The following CTSD variants were observed in gnomAD, a reference collection of about 807,000 sequenced individuals.
The protein encoded by CTSD is ceroid-lipofuscinosis, neuronal 10.
CTSD carries 28 observed loss-of-function variants against 43.6 expected under a neutral mutation model. The ratio of observed to expected loss-of-function variants is 0.64; its 90% confidence interval spans 0.48 to 0.88. CTSD has a LOEUF of 0.88. CTSD is among the 40% of genes least tolerant of loss of function. CTSD has a pLI of 0.00. For synonymous variants in CTSD, 270 were observed against 249.8 expected, an observed-to-expected ratio of 1.08 and a Z score of -0.76; for missense variants, 485 against 555.2, an observed-to-expected ratio of 0.87 and a Z score of 1.27.
rs1259135759 is a variant in CTSD, at chr11:1,759,509, G to C, written c.352+7C>G. On this transcript the variant is annotated splice_region_variant and intron_variant, in intron 3 of 8. Transcript: ENST00000236671. ...CCTGGGCGACGGGGCCAGGGTTCGT[G>C]ACTCACAGCAAGCGATGTCCAGCAG... The C allele has an allele frequency of 6.2e-7, 1 of 1,613,116 alleles. No homozygotes were observed. Among genetic ancestry groups the C allele is most frequent in the African/African-American group, 1.3e-5 (1 of 74,948 alleles).
At chr11:1,762,365 C>T (rs1387679922) in intron 1 of CTSD, 1 of 152,270 alleles carries the variant, frequency 6.6e-6, no homozygotes, top group Non-Finnish European at 1.5e-5. Context: ...GGGGTCCCTG[C>T]TCCTCCCCCA....
intron 1 of CTSD, chr11:1,762,080 A>C: frequency 5.8e-6 from 1 of 172,184 alleles, no homozygotes. Context: ...CTCCACATGG[A>C]CCCTGTGGCT....
At chr11:1,754,238 CT>C in intron 6 of CTSD, 100 bp from the exon 7 acceptor site, 1 of 1,394,562 alleles carries the variant, frequency 7.2e-7, no homozygotes, top group Non-Finnish European at 9.8e-7. Context: ...GGGCTGCACT[CT>C]CCTCCCCTCA....
chr11:1,756,832 C>T (rs551662932), intron 5 of CTSD, among the ~76,000 whole-genome samples: 5 of 152,302 alleles, frequency 3.3e-5, no homozygotes, highest in South Asian at 4.1e-4. Flanking sequence ...CTGCTGGGGA[C>T]GCCCACAGAG....
At chr11:1,761,572 C>A (rs1248208540) in intron 1 of CTSD, 104 bp from the exon 2 acceptor site, 2 of 1,323,660 alleles carry the variant, frequency 1.5e-6, no homozygotes, top group South Asian at 2.5e-5. Flanking sequence ...ATCTCAGAGT[C>A]GCCACAGCCA....
intron 1 of CTSD, chr11:1,762,613 G>A (rs1232301768): frequency 2.0e-5 from 3 of 152,208 alleles, no homozygotes; most frequent in African/African-American, 7.2e-5. Context: ...GCCCTCCAGG[G>A]ACCAGGAAGC....
intron 5 of CTSD, 82 bp from the exon 6 acceptor site, chr11:1,755,110 G>A: frequency 6.5e-7 from 1 of 1,542,058 alleles, no homozygotes; most frequent in Non-Finnish European, 8.9e-7. Flanking sequence ...GGGTGAATGT[G>A]GCAATCAGGG....
Position 1,757,340 on chromosome 11 carries a change from A to G in CTSD, c.688T>C (p.Ser230Pro). Residue 230 changes from serine (S) to proline (P), a missense_variant, in exon 5 of 9, where the codon TCC (serine) becomes CCC (proline). Coordinates refer to ENST00000236671, the MANE Select transcript of CTSD (RefSeq NM_001909.5). The stretch of plus-strand genomic sequence containing the variant: ...CACGCCCACCTGCTCAGGTAGAAGG[A>G]GAAGATGTTCTGGTCCACCAGCTTC... The part of the protein sequence containing the change: ...QQKLVDQNIF[S>P]FYLSRDPDAQ... 6.2e-7 allele frequency: 1 copy of G among 1,613,864 alleles called. No individual in the cohort carries two copies. Among genetic ancestry groups the G allele is most frequent in the Non-Finnish European group, 8.5e-7 (1 of 1,179,928 alleles).
At chr11:1,763,157 C>G (rs1845903609) in intron 1 of CTSD, 1 of 152,502 alleles carries the variant, frequency 6.6e-6, no homozygotes, top group Non-Finnish European at 1.5e-5. Context: ...GTGGCCTCAC[C>G]TGGCACAGGG....
At chr11:1,763,507 G>A (rs1845908739) in intron 1 of CTSD, 1 of 425,956 alleles carries the variant, frequency 2.3e-6, no homozygotes, top group Admixed American at 4.6e-5. Context: ...CCCGTCTCCA[G>A]GGAGGCTGCG....
chr11:1,761,217 C>G (rs1263085753), intron 2 of CTSD, 92 bp downstream of exon 2: 3 of 1,464,614 alleles, frequency 2.0e-6, no homozygotes, highest in Middle Eastern at 1.8e-4. Flanking sequence ...AACTGCGCTG[C>G]TGAGAACAGG....
rs752075136 is a variant in CTSD at position 1,753,980 on chromosome 11, C to T, written c.972+14G>A. 5 of 1,605,174 alleles carry T rather than the reference C, an allele frequency of 3.1e-6. No homozygotes were observed. The highest frequency in any genetic ancestry group is 4.2e-6 in the Non-Finnish European group (5 of 1,176,782). On this transcript the variant is annotated intron_variant, in intron 7 of 8. Coordinates refer to ENST00000236671, the MANE Select transcript of CTSD (RefSeq NM_001909.5). ...CTGCCAGCCCCAGCCCCAGCCCCAG[C>T]CCCCGGCGCTCACCTCGCCCTGAAT...
intron 1 of CTSD, chr11:1,761,788 C>T: frequency 2.2e-6 from 1 of 448,226 alleles, no homozygotes; most frequent in Non-Finnish European, 4.2e-6. Context: ...TCCAAAGCCC[C>T]CAAGGGTCTC....
At chr11:1,754,424 GGC>G (rs199684934) in intron 6 of CTSD, among the ~76,000 whole-genome samples, 1 of 137,420 alleles carries the variant, frequency 7.3e-6, no homozygotes, top group Non-Finnish European at 1.6e-5. Flanking sequence ...GGGATGGAGG[GGC>G]ATGGAGGGAT....
At chr11:1,758,085 G>C (rs948785424) in intron 4 of CTSD, 24 of 205,296 alleles carry the variant, frequency 1.2e-4, no homozygotes, top group Admixed American at 2.2e-4. Flanking sequence ...AGGCTGACAC[G>C]GGGCGGAGGG....
chr11:1,759,127 G>T, intron 3 of CTSD, 40 bp from the exon 4 acceptor site: 1 of 1,447,602 alleles, frequency 6.9e-7, no homozygotes, highest in Non-Finnish European at 9.7e-7. Context: ...TCATCCCGCA[G>T]CCCACGCCAC....
intron 6 of CTSD, 186 bp from the exon 7 acceptor site, chr11:1,754,324 G>A: frequency 1.5e-6 from 1 of 665,380 alleles, no homozygotes; most frequent in South Asian, 1.8e-5. Flanking sequence ...GTGGTAGAGG[G>A]GGTGGGAGAC....
chr11:1,761,652 T>G, intron 1 of CTSD, 184 bp from the exon 2 acceptor site: 1 of 689,360 alleles, frequency 1.5e-6, no homozygotes, highest in Non-Finnish European at 2.6e-6. Flanking sequence ...TGGCAACCCA[T>G]TGCCCCCCGC....
Position 1,753,591 on chromosome 11 carries a change from A to G in CTSD, c.1151T>C (p.Ile384Thr). Residue 384 changes from isoleucine to threonine, a missense_variant, in exon 9 of 9, where the codon ATC becomes ACC. Coordinates refer to ENST00000236671, the MANE Select transcript of CTSD (RefSeq NM_001909.5). Reference sequence around the variant, plus strand: ...GCGGCCGATGAAGACGTCGCCCAGGATCCAGAGTGGCCCGCTGGGTGGCGG... The same window carrying G: ...GCGGCCGATGAAGACGTCGCCCAGGGTCCAGAGTGGCCCGCTGGGTGGCGG... The part of the protein sequence containing the change: ...DIPPPSGPLW[I>T]LGDVFIGRYY... 6.2e-7 allele frequency: 1 copy of G among 1,613,074 alleles called. No homozygotes were observed. The highest frequency in any genetic ancestry group is 8.5e-7 in the Non-Finnish European group (1 of 1,179,916).
Sources: allele counts gnomAD v4.1 joint callset (sites outside exome capture counted in the v4.1 genomes callset), GRCh38; gene constraint gnomAD v4.1.1; transcripts MANE v1.5; gene names NCBI Gene and HGNC (gene_info 2026-07-23, HGNC 2026-07-21).